Variants in ERC1 observed in about 807,000 individuals in gnomAD.
ERC1 encodes the protein ELKS/RAB6-interacting/CAST family member 1, also known as RAB6 interacting protein 2.
A neutral mutation model predicts 132.0 loss-of-function variants in ERC1; 56 were observed. The observed-to-expected ratio is 0.42, with a 90% CI of 0.34 to 0.53. The LOEUF is 0.53. Ranked by LOEUF, ERC1 falls within the 20% of genes least tolerant of loss-of-function variation. The probability of loss-of-function intolerance (pLI) is 0.03; values close to 1 mark genes in which losing one functional copy is unlikely to be tolerated. For synonymous variants in ERC1, 478 were observed against 476.1 expected, an observed-to-expected ratio of 1.00 and a Z score of -0.05; for missense variants, 1,202 against 1,349.9, an observed-to-expected ratio of 0.89 and a Z score of 1.72.
chr12:1,004,655 T>G (rs577663812), intron 1 of ERC1, among the ~76,000 whole-genome samples: 2 of 151,900 alleles, frequency 1.3e-5, no homozygotes, highest in Admixed American at 1.3e-4. Flanking sequence ...TCCAACCGCC[T>G]TGGCCCCCCA....
chr12:1,128,937 G>A (rs565792183), intron 7 of ERC1, among the ~76,000 whole-genome samples: 7 of 152,222 alleles, frequency 4.6e-5, no homozygotes, highest in Admixed American at 6.5e-5. Context: ...TACCCAGCAA[G>A]CAATAGGAAA....
intron 4 of ERC1, 62 bp from the exon 5 acceptor site, chr12:1,110,130 G>T: frequency 1.3e-5 from 18 of 1,359,352 alleles, no homozygotes; most frequent in Non-Finnish European, 1.8e-5. Context: ...TAAATATCAT[G>T]TTATTCAGCT....
intron 5 of ERC1, among the ~76,000 whole-genome samples, chr12:1,111,822 G>T (rs1226012655): frequency 6.6e-6 from 1 of 151,978 alleles, no homozygotes; most frequent in Non-Finnish European, 1.5e-5. Flanking sequence ...GGCCAGGCAG[G>T]TCTCGAACTC....
At chr12:1,018,263 A>G (rs1335381468) in intron 1 of ERC1, among the ~76,000 whole-genome samples, 2 of 152,122 alleles carry the variant, frequency 1.3e-5, no homozygotes, top group Non-Finnish European at 2.9e-5. Context: ...GTGCAGTGGC[A>G]TGGTCTCAGC....
At chr12:1,327,134 T>C (rs1256004057) in intron 15 of ERC1, among the ~76,000 whole-genome samples, 2 of 152,188 alleles carry the variant, frequency 1.3e-5, no homozygotes, top group East Asian at 3.8e-4. Context: ...ATTCTAAATC[T>C]CATGTCCTAA....
chr12:1,111,679 C>T (rs1235187544), intron 5 of ERC1, among the ~76,000 whole-genome samples: 1 of 150,104 alleles, frequency 6.7e-6, no homozygotes, highest in East Asian at 2.0e-4. Flanking sequence ...AGTGCAGTGG[C>T]GTGATCTCGG....
intron 17 of ERC1, among the ~76,000 whole-genome samples, chr12:1,415,311 G>T (rs2092060995): frequency 1.3e-5 from 2 of 152,210 alleles, no homozygotes; most frequent in African/African-American, 4.8e-5. Flanking sequence ...TTAAAAGTTG[G>T]TCTTGGTATA....
chr12:1,248,887 T>A (rs1199073675), intron 13 of ERC1, among the ~76,000 whole-genome samples: 1 of 151,892 alleles, frequency 6.6e-6, no homozygotes, highest in Non-Finnish European at 1.5e-5. Flanking sequence ...TATTTATATT[T>A]AAAAAAAAAT....
intron 17 of ERC1, among the ~76,000 whole-genome samples, chr12:1,434,824 CTT>C (rs1377496863): frequency 6.6e-6 from 1 of 152,178 alleles, no homozygotes; most frequent in Non-Finnish European, 1.5e-5. Context: ...TGCTGAGCCT[CTT>C]TCGTCATAGT....
In ERC1 at chr12:1,180,592, T is replaced by G. The variant is rs951928497; in HGVS notation, c.1790T>G (p.Leu597Trp). 7 of 1,613,970 alleles carry G rather than the reference T, an allele frequency of 4.3e-6. No individual in the cohort carries two copies. The highest frequency in any genetic ancestry group is 5.9e-6 in the Non-Finnish European group (7 of 1,180,042). ...LRDKEKQMSSLKERVKSLQAD... is the reference protein window; with the variant it reads ...LRDKEKQMSSWKERVKSLQAD... ...GACAAGGAAAAGCAGATGAGCAGCT[T>G]GAAAGAACGGGTCAAATCCTTGCAG... Residue 597 changes from leucine (L) to tryptophan (W), a missense_variant, in exon 9 of 19, where the codon TTG becomes TGG. By Grantham distance (61) the Leu-to-Trp change is moderately conservative. Transcript: ENST00000360905.
At chr12:1,148,649 C>T (rs547473138) in intron 8 of ERC1, among the ~76,000 whole-genome samples, 9 of 151,918 alleles carry the variant, frequency 5.9e-5, no homozygotes, top group African/African-American at 9.7e-5. Context: ...TTACCCAGGC[C>T]GGAGTGCAGT....
chr12:1,360,496 T>C (rs1031678794), intron 15 of ERC1, among the ~76,000 whole-genome samples: 10 of 152,212 alleles, frequency 6.6e-5, no homozygotes, highest in African/African-American at 2.2e-4. Context: ...AAAATAAATA[T>C]GCACTTACAC....
Position 1,298,400 on chromosome 12 carries a change from G to A in ERC1, c.2780+8388G>A, listed in dbSNP as rs150110498. Among the ~76,000 whole-genome samples, 711 of 151,920 alleles carry A rather than the reference G, an allele frequency of 4.7e-3. 32 individuals are homozygous for A. In the East Asian group the frequency reaches 0.12, roughly 25 times the overall value. On this transcript the variant is annotated intron_variant, in intron 15 of 18. Coordinates refer to ENST00000360905, the MANE Select transcript of ERC1 (RefSeq NM_178040.4). ...TCTACTAAAAATACAAAAACTAGCC[G>A]GGTGTGGTGGCGGGTGTCTGTTATC...
chr12:1,447,118 A>G (rs1419366808), intron 18 of ERC1, among the ~76,000 whole-genome samples: 4 of 152,190 alleles, frequency 2.6e-5, no homozygotes, highest in Non-Finnish European at 5.9e-5. Context: ...ATGGAAATAA[A>G]TACATACACA....
intron 1 of ERC1, among the ~76,000 whole-genome samples, chr12:1,007,540 C>CTCTGTGTGTGTGTGTGTGTG (rs1555194875): frequency 8.1e-6 from 1 of 122,712 alleles, no homozygotes; most frequent in African/African-American, 3.8e-5. Context: ...CTCTCTCTCT[C>CTCTGTGTGTGTGTGTGTGTG]TGTGTGTGTG....
At chr12:1,080,381 G>T (rs1942016519) in intron 2 of ERC1, among the ~76,000 whole-genome samples, 1 of 152,176 alleles carries the variant, frequency 6.6e-6, no homozygotes, top group Admixed American at 6.5e-5. Flanking sequence ...TATAGTGTTT[G>T]TCTTTTTGTG....
Position 1,402,384 on chromosome 12 carries a change from G to A in ERC1, c.2926-5765G>A, listed in dbSNP as rs373584005. ...GTCTCTACTAAAAATACAAAAGTTAGCTGGGCATGGTGGCGGGCATCTGTA... is the reference window on the plus strand; with the variant it reads ...GTCTCTACTAAAAATACAAAAGTTAACTGGGCATGGTGGCGGGCATCTGTA... On this transcript the variant is annotated intron_variant, in intron 16 of 18. Coordinates refer to ENST00000360905, the MANE Select transcript of ERC1 (RefSeq NM_178040.4). Among the ~76,000 whole-genome samples the A allele has an allele frequency of 3.0e-4, 46 of 152,198 alleles. 2 individuals carry two copies. In the South Asian group the frequency reaches 9.5e-3, roughly 32 times the overall value.
At chr12:1,150,916 G>A (rs1281930288) in intron 8 of ERC1, among the ~76,000 whole-genome samples, 2 of 152,258 alleles carry the variant, frequency 1.3e-5, no homozygotes, top group East Asian at 3.9e-4. Flanking sequence ...CAGAAACTAA[G>A]GAAATGCGAA....
chr12:1,276,653 C>A (rs1454772531), intron 14 of ERC1, among the ~76,000 whole-genome samples: 5 of 152,172 alleles, frequency 3.3e-5, no homozygotes, highest in East Asian at 3.9e-4. Flanking sequence ...CATTTTGTCT[C>A]CTAGAATGAA....
Sources: allele counts gnomAD v4.1 joint callset (sites outside exome capture counted in the v4.1 genomes callset), GRCh38; gene constraint gnomAD v4.1.1; transcripts MANE v1.5; gene names NCBI Gene and HGNC (gene_info 2026-07-23, HGNC 2026-07-21).